CHST7: variants seen among roughly 807,000 people sequenced by gnomAD.
CHST7 encodes the protein carbohydrate sulfotransferase 7.
Under a neutral mutation model 9.0 loss-of-function variants are expected in CHST7, and 5 were observed. The observed-to-expected ratio is 0.56, with a 90% CI of 0.29 to 1.17. The LOEUF (loss-of-function observed/expected upper bound fraction) is 1.17. Ranked by LOEUF, CHST7 falls within the 50% of genes most tolerant of loss-of-function variation. The pLI, the probability that CHST7 is intolerant of heterozygous loss-of-function variation, is 0.08. For synonymous variants in CHST7, 244 were observed against 237.1 expected (o/e 1.03, Z -0.27); for missense variants, 377 against 485.1 (o/e 0.78, Z 2.09).
intron 1 of CHST7, among the ~76,000 whole-genome samples, chrX:46,577,161 A>G (rs748220321): frequency 2.5e-5 from 2 of 78,862 alleles, no homozygotes; most frequent in Non-Finnish European, 2.3e-5. Context: ...ACTAACATCT[A>G]TTTGAGTACT....
chrX:46,598,336 C>CTT lies in CHST7; in HGVS notation c.*610_*611dup, dbSNP rs1309963150. 1 of 112,003 alleles carries CTT rather than the reference C, an allele frequency of 8.9e-6. No individual in the cohort carries two copies. Among genetic ancestry groups the CTT allele is most frequent in the African/African-American group, 3.2e-5 (1 of 30,790 alleles). 9.2% of individuals were successfully genotyped at this position (112,003 alleles called of 1,213,427 possible). On this transcript the variant is annotated 3_prime_UTR_variant, in exon 2 of 2. Coordinates refer to ENST00000276055, the MANE Select transcript of CHST7 (RefSeq NM_019886.4). ...CCTAATGAACTGAAACACACTTTTA[C>CTT]TTTAAAATTTTTCTGTCTGGCGTTT... is the stretch of plus-strand genomic sequence containing the variant.
intron 1 of CHST7, among the ~76,000 whole-genome samples, chrX:46,585,045 A>G (rs1942542002): frequency 9.0e-6 from 1 of 111,524 alleles, no homozygotes; most frequent in African/African-American, 3.3e-5. Context: ...TCAACATAAT[A>G]TTTTAAAAAT....
intron 1 of CHST7, among the ~76,000 whole-genome samples, chrX:46,590,254 AT>A (rs11369586): frequency 1.1e-3 from 111 of 102,444 alleles, no homozygotes; most frequent in Admixed American, 9.5e-4. Flanking sequence ...ACAATGACAG[AT>A]TTTTTTTTTT....
At chrX:46,592,435 A>G (rs1942577146) in intron 1 of CHST7, among the ~76,000 whole-genome samples, 1 of 111,827 alleles carries the variant, frequency 8.9e-6, no homozygotes, top group Non-Finnish European at 1.9e-5. Context: ...CAGTGATGCA[A>G]TCTCAGCTCA....
At chrX:46,575,764 C>G (rs1399667611) in intron 1 of CHST7, among the ~76,000 whole-genome samples, 4 of 111,584 alleles carry the variant, frequency 3.6e-5, no homozygotes, top group Non-Finnish European at 7.5e-5. Flanking sequence ...CATAATGAGC[C>G]GTGAGACTGG....
At position 46,574,942 on chromosome X, in the gene CHST7, CGATTTCTTCCTGACCGGTGCGCTCGAGGT is replaced by C; in HGVS notation, c.1015_1043del (p.Phe339LeufsTer28). On this transcript the variant is annotated frameshift_variant, in exon 1 of 2. Transcript: ENST00000276055. LOFTEE classifies it low-confidence loss of function (END_TRUNC). Reference sequence around the variant, plus strand: ...GCGCGCTGCCCGCCGCGCCGCGCGCCGATTTCTTCCTGACCGGTGCGCTCGAGGTGATCTGCGAAGCCTGGCTGCGCGAT... The same window carrying C: ...GCGCGCTGCCCGCCGCGCCGCGCGCCGATCTGCGAAGCCTGGCTGCGCGAT... 8.7e-7 allele frequency: 1 copy of C among 1,153,616 alleles called. No individual in the cohort carries two copies. Among genetic ancestry groups the C allele is most frequent in the Non-Finnish European group, 1.1e-6 (1 of 875,820 alleles).
At chrX:46,588,001 C>T (rs1388708750) in intron 1 of CHST7, among the ~76,000 whole-genome samples, 1 of 111,748 alleles carries the variant, frequency 8.9e-6, no homozygotes, top group Non-Finnish European at 1.9e-5. Flanking sequence ...AGTCATCCAG[C>T]TGGTGGTAAC....
At chrX:46,580,333 C>T (rs1297399303) in intron 1 of CHST7, among the ~76,000 whole-genome samples, 1 of 111,735 alleles carries the variant, frequency 8.9e-6, no homozygotes, top group African/African-American at 3.3e-5. Context: ...GCTGGGATTA[C>T]AGGCGTGAGC....
At chrX:46,575,763 C>T (rs1279050253) in intron 1 of CHST7, among the ~76,000 whole-genome samples, 1 of 111,618 alleles carries the variant, frequency 9.0e-6, no homozygotes, top group Non-Finnish European at 1.9e-5. Flanking sequence ...TCATAATGAG[C>T]CGTGAGACTG....
At chrX:46,587,798 AAG>A (rs1942556241) in intron 1 of CHST7, among the ~76,000 whole-genome samples, 1 of 112,310 alleles carries the variant, frequency 8.9e-6, no homozygotes, top group Non-Finnish European at 1.9e-5. Context: ...TGAAAACAGG[AAG>A]GTTAAGAAAG....
At chrX:46,591,385 A>AT (rs1326333969) in intron 1 of CHST7, among the ~76,000 whole-genome samples, 2 of 111,048 alleles carry the variant, frequency 1.8e-5, no homozygotes, top group Non-Finnish European at 3.8e-5. Context: ...TTTTTATTTT[A>AT]TTTTTTTCAG....
chrX:46,591,879 CCT>C (rs1288129332), intron 1 of CHST7, among the ~76,000 whole-genome samples: 1 of 109,416 alleles, frequency 9.1e-6, no homozygotes, highest in South Asian at 4.0e-4. Flanking sequence ...CCCCACACCC[CCT>C]GACAGGCCCC....
intron 1 of CHST7, among the ~76,000 whole-genome samples, chrX:46,595,414 C>G (rs1479575775): frequency 8.9e-6 from 1 of 112,412 alleles, no homozygotes; most frequent in Non-Finnish European, 1.9e-5. Flanking sequence ...GAGAAAGGGG[C>G]ACATCACCTG....
At chrX:46,581,874 C>T (rs978124426) in intron 1 of CHST7, among the ~76,000 whole-genome samples, 2 of 111,451 alleles carry the variant, frequency 1.8e-5, no homozygotes, top group African/African-American at 3.3e-5. Flanking sequence ...GGATTACAGG[C>T]GTGAGTCACT....
intron 1 of CHST7, among the ~76,000 whole-genome samples, chrX:46,597,045 T>C (rs149536750): frequency 8.9e-6 from 1 of 111,962 alleles, no homozygotes; most frequent in African/African-American, 3.2e-5. Flanking sequence ...TTTTAAATCA[T>C]CTTGAAACTG....
intron 1 of CHST7, among the ~76,000 whole-genome samples, chrX:46,593,917 C>T (rs920257891): frequency 7.4e-4 from 83 of 111,852 alleles, no homozygotes; most frequent in African/African-American, 2.6e-3. Flanking sequence ...TTATCCTGCC[C>T]CTTAAATAGT....
chrX:46,591,682 C>CT (rs1416056678), intron 1 of CHST7, among the ~76,000 whole-genome samples: 2 of 111,350 alleles, frequency 1.8e-5, no homozygotes, highest in African/African-American at 3.3e-5. Context: ...GCCGAGATTT[C>CT]TTTTTTTAAA....
chrX:46,575,381 G>A lies in CHST7; in HGVS notation c.1450G>A (p.Gly484Ser), dbSNP rs1207960524. The A allele has an allele frequency of 1.3e-5, 14 of 1,042,671 alleles. No individual in the cohort carries two copies. The highest frequency in any genetic ancestry group is 1.7e-5 in the Non-Finnish European group (14 of 817,626). The allele number at this position is 1,042,671 out of a possible 1,213,427, so 85.9% of individuals were successfully genotyped here. Residue 484 changes from glycine to serine, a missense_variant, in exon 1 of 2, where the codon GGC becomes AGC. This residue lies in a region of CHST7 where 8 missense variants were observed against 24.5 expected (regional missense o/e 0.33). Transcript: ENST00000276055. ...GETPLEMDAD[G>S]AT ...GACGCCGCTGGAGATGGATGCCGACGGCGCCACGTAGCCTCCCATCCCTGT... is the reference window on the plus strand; with the variant it reads ...GACGCCGCTGGAGATGGATGCCGACAGCGCCACGTAGCCTCCCATCCCTGT...
intron 1 of CHST7, among the ~76,000 whole-genome samples, chrX:46,581,659 G>A (rs982376683): frequency 1.9e-5 from 2 of 105,705 alleles, no homozygotes; most frequent in African/African-American, 6.9e-5. Context: ...GCAATGGCAC[G>A]ATCTCGGCTC....
Sources: gnomAD v4.1 joint callset for allele counts (sites outside exome capture counted in the v4.1 genomes callset) on GRCh38, gnomAD v4.1.1 for gene constraint, gnomAD v4.1.1 regional missense constraint, MANE v1.5 for transcripts, NCBI Gene and HGNC (gene_info 2026-07-23, HGNC 2026-07-21) for gene names.